Variants in NLGN1 observed in about 807,000 individuals in gnomAD.
The protein encoded by NLGN1 is neuroligin-1.
Under a neutral mutation model 65.5 loss-of-function variants are expected in NLGN1, and 12 were observed. The observed-to-expected ratio is 0.18, with a 90% CI of 0.12 to 0.30. The LOEUF (loss-of-function observed/expected upper bound fraction) is 0.30, where lower values mean the gene tolerates loss of function less well. Ranked by LOEUF, NLGN1 falls within the 10% of genes least tolerant of loss-of-function variation. The pLI is 1.00. For missense variants in NLGN1, 750 were observed against 1,007.1 expected (o/e 0.74, Z 3.46); for synonymous variants, 350 against 359.5 (o/e 0.97, Z 0.30).
chr3:174,193,560 A>G (rs1014092083), intron 4 of NLGN1, among the ~76,000 whole-genome samples: 2 of 152,190 alleles, frequency 1.3e-5, no homozygotes, highest in African/African-American at 2.4e-5. Context: ...TTACGACTCC[A>G]TTGATCTTCG....
intron 4 of NLGN1, among the ~76,000 whole-genome samples, chr3:174,258,694 T>C (rs1207020200): frequency 2.0e-5 from 3 of 152,076 alleles, no homozygotes; most frequent in Non-Finnish European, 4.4e-5. Flanking sequence ...TAAACCCTAA[T>C]TGAGAGACAT....
At chr3:173,819,399 C>T (rs1262623936) in intron 4 of NLGN1, among the ~76,000 whole-genome samples, 1 of 152,156 alleles carries the variant, frequency 6.6e-6, no homozygotes, top group Non-Finnish European at 1.5e-5. Context: ...CGGATCCATT[C>T]CACAGTTTTC....
At chr3:174,077,886 G>A (rs1580170591) in intron 4 of NLGN1, among the ~76,000 whole-genome samples, 1 of 152,176 alleles carries the variant, frequency 6.6e-6, no homozygotes, top group East Asian at 1.9e-4. Context: ...TTCAGCCAAG[G>A]AAGGCACATT....
chr3:173,974,276 G>A lies in NLGN1; in HGVS notation c.646+166444G>A, dbSNP rs368752975. ...ATTCTGGAGTAATAATTGAATTTTTGAAAAAGGAAATTCTCATATGTTTTT... is the reference window on the plus strand; with the variant it reads ...ATTCTGGAGTAATAATTGAATTTTTAAAAAAGGAAATTCTCATATGTTTTT... On this transcript the variant is annotated intron_variant, in intron 4 of 6. Coordinates refer to ENST00000457714, the Ensembl canonical transcript of NLGN1. Among the ~76,000 whole-genome samples, 43 of 149,784 alleles carry A rather than the reference G, an allele frequency of 2.9e-4. No individual in the cohort carries two copies. The South Asian group carries it at 9.0e-3, about 31-fold the overall frequency.
At chr3:173,483,016 C>T (rs1727556363) in intron 2 of NLGN1, among the ~76,000 whole-genome samples, 1 of 151,980 alleles carries the variant, frequency 6.6e-6, no homozygotes, top group African/African-American at 2.4e-5. Flanking sequence ...ATACAAATCA[C>T]TTCACTTCCT....
At chr3:173,774,265 A>G (rs1157986206) in intron 3 of NLGN1, among the ~76,000 whole-genome samples, 1 of 152,218 alleles carries the variant, frequency 6.6e-6, no homozygotes, top group Non-Finnish European at 1.5e-5. Flanking sequence ...TGGCTCATAC[A>G]GGTTCTTGGT....
At chr3:173,414,183 G>C (rs1376524451) in intron 1 of NLGN1, among the ~76,000 whole-genome samples, 1 of 152,180 alleles carries the variant, frequency 6.6e-6, no homozygotes, top group Non-Finnish European at 1.5e-5. Flanking sequence ...TTCAAGCTAT[G>C]TCTGCAAGCA....
chr3:174,130,022 A>G (rs1345172136), intron 4 of NLGN1, among the ~76,000 whole-genome samples: 2 of 152,244 alleles, frequency 1.3e-5, no homozygotes, highest in African/African-American at 4.8e-5. Flanking sequence ...TGCAGACCAC[A>G]CTAGGAAAGA....
intron 3 of NLGN1, among the ~76,000 whole-genome samples, chr3:173,723,480 A>C (rs1310750604): frequency 6.6e-6 from 1 of 152,092 alleles, no homozygotes; most frequent in East Asian, 1.9e-4. Flanking sequence ...ATAACTTCTC[A>C]TTTCAATGTT....
intron 1 of NLGN1, among the ~76,000 whole-genome samples, chr3:173,421,800 C>T (rs1243103999): frequency 6.6e-6 from 1 of 152,158 alleles, no homozygotes; most frequent in Non-Finnish European, 1.5e-5. Context: ...GGATTATAGA[C>T]ATGAGCTACC....
chr3:174,286,411 T>C (rs565179952), exon 7 of NLGN1: 1 of 151,662 alleles, frequency 6.6e-6, no homozygotes, highest in South Asian at 2.1e-4. Flanking sequence ...GGACCATTTT[T>C]GAATGCCATT....
chr3:174,256,196 G>C (rs1456947967), intron 4 of NLGN1, among the ~76,000 whole-genome samples: 1 of 151,890 alleles, frequency 6.6e-6, no homozygotes, highest in African/African-American at 2.4e-5. Context: ...AATTAAGCTA[G>C]GTGTCAGGAA....
At chr3:173,871,939 A>G (rs1455581875) in intron 4 of NLGN1, among the ~76,000 whole-genome samples, 12 of 152,224 alleles carry the variant, frequency 7.9e-5, no homozygotes, top group Admixed American at 7.9e-4. Flanking sequence ...AGGACCTTTC[A>G]ATTTCAACCG....
At chr3:174,141,637 CA>C (rs1722292070) in intron 4 of NLGN1, among the ~76,000 whole-genome samples, 1 of 152,168 alleles carries the variant, frequency 6.6e-6, no homozygotes, top group South Asian at 2.1e-4. Context: ...ATTAAGTCAA[CA>C]AATATGTTTA....
intron 4 of NLGN1, among the ~76,000 whole-genome samples, chr3:174,129,821 G>A (rs573873409): frequency 1.1e-3 from 170 of 152,368 alleles, no homozygotes; most frequent in African/African-American, 4.0e-3. Flanking sequence ...AGAGGTTGCA[G>A]TGGGTCCTAA....
chr3:174,112,762 A>G (rs1196512964), intron 4 of NLGN1, among the ~76,000 whole-genome samples: 1 of 151,986 alleles, frequency 6.6e-6, no homozygotes, highest in African/African-American at 2.4e-5. Context: ...AAAATATGTT[A>G]GATTAAAATA....
At chr3:173,944,776 A>C (rs935853012) in intron 4 of NLGN1, among the ~76,000 whole-genome samples, 4 of 152,188 alleles carry the variant, frequency 2.6e-5, no homozygotes, top group African/African-American at 7.2e-5. Context: ...TATATTAACT[A>C]TGTAATTTGT....
intron 4 of NLGN1, among the ~76,000 whole-genome samples, chr3:174,193,481 G>A (rs1162118125): frequency 6.6e-6 from 1 of 152,144 alleles, no homozygotes; most frequent in African/African-American, 2.4e-5. Flanking sequence ...GAACTGCGAG[G>A]TTTCAAGGAG....
chr3:173,768,323 C>G (rs1779068777), intron 3 of NLGN1, among the ~76,000 whole-genome samples: 3 of 152,090 alleles, frequency 2.0e-5, no homozygotes. Flanking sequence ...GGACTTACTC[C>G]TCAGTTGTCA....
Sources: allele counts gnomAD v4.1 joint callset (sites outside exome capture counted in the v4.1 genomes callset), GRCh38; gene constraint gnomAD v4.1.1; transcripts MANE v1.5; gene names NCBI Gene and HGNC (gene_info 2026-07-23, HGNC 2026-07-21).